ITGA4: variants seen among roughly 807,000 people sequenced by gnomAD.
The protein encoded by ITGA4 is integrin subunit alpha 4, also known as integrin alpha-4.
Under a neutral mutation model 133.6 loss-of-function variants are expected in ITGA4, and 63 were observed. The observed-to-expected ratio is 0.47, with a 90% CI of 0.38 to 0.58. ITGA4 has a LOEUF of 0.58. Among genes scored for constraint, ITGA4 ranks in the 20% least tolerant of loss-of-function variants. The pLI, the probability that ITGA4 is intolerant of heterozygous loss-of-function variation, is 0.00. For synonymous variants in ITGA4, 483 were observed against 438.0 expected, an observed-to-expected ratio of 1.10 and a Z score of -1.28; for missense variants, 1,076 against 1,252.7, an observed-to-expected ratio of 0.86 and a Z score of 2.13.
intron 17 of ITGA4, among the ~76,000 whole-genome samples, chr2:181,518,264 TGTTA>T (rs1363083124): frequency 6.6e-6 from 1 of 152,082 alleles, no homozygotes; most frequent in Non-Finnish European, 1.5e-5. Context: ...ATTACTGCTT[TGTTA>T]GTTATTACAC....
Position 181,495,382 on chromosome 2 carries a change from G to T in ITGA4, c.1351G>T (p.Gly451Cys). Residue 451 changes from glycine (G) to cysteine (C), a missense_variant, in exon 13 of 28, where the codon GGT becomes TGT. Physicochemically the swap from Gly to Cys is radical, Grantham distance 159. Transcript: ENST00000397033. This position sits in a 1 kb window ranked among gnomAD's most constrained non-coding sequence, Gnocchi z 4.3. Reference sequence around the variant, plus strand: ...TTTTTATCCTCCAGATGTAGCAGTTGGTGCTTTTCGGTCTGATTCTGCTGT... The same window carrying T: ...TTTTTATCCTCCAGATGTAGCAGTTTGTGCTTTTCGGTCTGATTCTGCTGT... ...DNNGYVDVAV[G>C]AFRSDSAVLL... 6.2e-7 allele frequency: 1 copy of T among 1,610,060 alleles called. No homozygotes were observed. Among genetic ancestry groups the T allele is most frequent in the Non-Finnish European group, 8.5e-7 (1 of 1,176,552 alleles).
At chr2:181,509,941 T>C in intron 16 of ITGA4, 134 bp downstream of exon 16, 1 of 621,068 alleles carries the variant, frequency 1.6e-6, no homozygotes. Flanking sequence ...AAAATAGATT[T>C]ATTCATTTCT....
At position 181,493,360 on chromosome 2, in the gene ITGA4, C is replaced by A. The variant is rs199973456; in HGVS notation, c.1189C>A (p.Gln397Lys). 65 of 1,612,262 alleles carry A rather than the reference C, an allele frequency of 4.0e-5. No individual in the cohort carries two copies. Among genetic ancestry groups the A allele is most frequent in the Admixed American group, 1.5e-4 (9 of 59,892 alleles). The change falls in exon 11 of 28, where the codon CAA (glutamine) becomes AAA (lysine). Residue 397 changes from glutamine to lysine, a missense_variant. Gln to Lys is a moderately conservative substitution (Grantham distance 53). Transcript: ENST00000397033. ...CGGAGCTCCACAAGAAGATGACTTGCAAGGTGCTATTTATATTTACAATGG... is the reference window on the plus strand; with the variant it reads ...CGGAGCTCCACAAGAAGATGACTTGAAAGGTGCTATTTATATTTACAATGG... ...AIGAPQEDDL[Q>K]GAIYIYNGRA...
At chr2:181,476,911 A>G (rs2105728497) in intron 4 of ITGA4, among the ~76,000 whole-genome samples, 1 of 152,272 alleles carries the variant, frequency 6.6e-6, no homozygotes, top group Admixed American at 6.5e-5. Flanking sequence ...AGTGGGAGCT[A>G]AACATTGAGT....
intron 9 of ITGA4, among the ~76,000 whole-genome samples, chr2:181,484,754 A>G (rs572215373): frequency 1.3e-5 from 2 of 152,346 alleles, no homozygotes; most frequent in South Asian, 2.1e-4. Context: ...AACATGGTAC[A>G]TGGCACATTA....
At chr2:181,466,650 C>T (rs1559037022) in intron 2 of ITGA4, among the ~76,000 whole-genome samples, 1 of 151,982 alleles carries the variant, frequency 6.6e-6, no homozygotes, top group Non-Finnish European at 1.5e-5. Flanking sequence ...AGAAACATTG[C>T]CACCAGGTTT....
At chr2:181,460,630 T>C (rs1481838535) in intron 2 of ITGA4, among the ~76,000 whole-genome samples, 1 of 150,024 alleles carries the variant, frequency 6.7e-6, no homozygotes, top group African/African-American at 2.4e-5. Context: ...TAGCTTCAGT[T>C]GTCCTGTTTC....
At chr2:181,520,135 C>T (rs889765162) in intron 17 of ITGA4, among the ~76,000 whole-genome samples, 7 of 152,048 alleles carry the variant, frequency 4.6e-5, no homozygotes, top group Non-Finnish European at 1.0e-4. Context: ...GAGAAGCTGC[C>T]ACCTTACGCT....
At position 181,537,834 on chromosome 2, in the gene ITGA4, C is replaced by CAATTTCTATTAGGATATCCG. The variant is rs1418390057; in HGVS notation, c.*2308_*2327dup. 1 of 486,266 alleles carries CAATTTCTATTAGGATATCCG rather than the reference C, an allele frequency of 2.1e-6. No individual in the cohort carries two copies. Among genetic ancestry groups the CAATTTCTATTAGGATATCCG allele is most frequent in the South Asian group, 1.5e-5 (1 of 64,704 alleles). 30.1% of individuals were successfully genotyped at this position (486,266 alleles called of 1,614,324 possible). A position where few individuals can be genotyped will look rare whatever the true frequency, so the allele number is the denominator to read the frequency against. ...CCTAGAGGCTAATTGTTAGTAACAT[C>CAATTTCTATTAGGATATCCG]AATTTCTATTAGGATATCCGTTTGG... On this transcript the variant is annotated 3_prime_UTR_variant, in exon 28 of 28. Coordinates refer to ENST00000397033, the MANE Select transcript of ITGA4 (RefSeq NM_000885.6).
chr2:181,479,848 C>G (rs1685764692), intron 5 of ITGA4: 8 of 182,804 alleles, frequency 4.4e-5, no homozygotes, highest in Admixed American at 3.7e-4. Context: ...GCCTTTCTCC[C>G]AAAAGCTTAC....
chr2:181,458,367 G>A (rs201294901), intron 2 of ITGA4, 50 bp downstream of exon 2: 1 of 1,588,096 alleles, frequency 6.3e-7, no homozygotes, highest in Non-Finnish European at 8.6e-7. Flanking sequence ...CCCCCCATGT[G>A]GACCCCACCA....
Position 181,480,079 on chromosome 2 carries a change from G to A in ITGA4, c.625-58G>A, listed in dbSNP as rs529450246. 5.9e-4 allele frequency: 719 copies of A among 1,223,298 alleles called. 7 individuals are homozygous for A. In the African/African-American group the frequency reaches 0.01, roughly 18 times the overall value. The allele number at this position is 1,223,298 out of a possible 1,614,324, so 75.8% of individuals were successfully genotyped here. ...TTCTCTTCACTATCGTGTATCTGGA[G>A]GAGGTTTGGGGTGGTGAGATTAAAG... On this transcript the variant is annotated intron_variant, in intron 5 of 27. Transcript: ENST00000397033.
chr2:181,517,637 C>T (rs142096271), intron 17 of ITGA4, among the ~76,000 whole-genome samples: 4 of 152,028 alleles, frequency 2.6e-5, no homozygotes, highest in Non-Finnish European at 5.9e-5. Flanking sequence ...ACATAGGAAG[C>T]TGGTAGGTAT....
chr2:181,458,107 C>A, intron 1 of ITGA4, 89 bp from the exon 2 acceptor site: 1 of 1,566,274 alleles, frequency 6.4e-7, no homozygotes, highest in Non-Finnish European at 8.7e-7. Flanking sequence ...GGGAAGCTGC[C>A]CTGCTGCGGA....
rs769456476 is a variant in ITGA4, at chr2:181,482,401, A to C, written c.882A>C (p.Leu294Phe). 6.2e-7 allele frequency: 1 copy of C among 1,613,096 alleles called. No homozygotes were observed. ...TTGATGAAAAAGAACTAAATATCTT[A>C]CATGAAATGAAAGGTAAAAAGGTAA... ...FSIDEKELNI[L>F]HEMKGKKLGS... Residue 294 changes from leucine to phenylalanine, a missense_variant, in exon 8 of 28, where the codon TTA becomes TTC. Physicochemically the swap from Leu to Phe is conservative, Grantham distance 22 (BLOSUM62 0). Transcript: ENST00000397033.
rs753737980 is a variant in ITGA4, at chr2:181,523,337, C to T, written c.2074-100C>T. The T allele has an allele frequency of 2.9e-6, 2 of 692,080 alleles. No individual in the cohort carries two copies. Among genetic ancestry groups the T allele is most frequent in the South Asian group, 1.7e-5 (1 of 58,862 alleles). The allele number at this position is 692,080 out of a possible 1,614,324, so 42.9% of individuals were successfully genotyped here. ...AATAGTTTTCCTAGAAAAGCAAATA[C>T]TTCTGGGATGATATTCTTTTCAATA... On this transcript the variant is annotated intron_variant, in intron 18 of 27. Coordinates refer to ENST00000397033, the MANE Select transcript of ITGA4 (RefSeq NM_000885.6). This position sits in a 1 kb window ranked among gnomAD's most constrained non-coding sequence, Gnocchi z 4.2.
chr2:181,529,674 C>A, intron 23 of ITGA4, 26 bp downstream of exon 23: 1 of 1,163,760 alleles, frequency 8.6e-7, no homozygotes, highest in African/African-American at 1.5e-5. Context: ...TTCCATCTAA[C>A]CTTTATTGTG....
rs143247967 is a variant in ITGA4 at position 181,519,033 on chromosome 2, C to T, written c.1923-3158C>T. 2.4e-3 allele frequency among the ~76,000 whole-genome samples: 372 copies of T among 151,862 alleles called. 1 individual carries two copies. Among genetic ancestry groups the T allele is most frequent in the African/African-American group, 8.6e-3 (355 of 41,438 alleles). ...TTACGTGTGTATGTTGACCAAAAAACTATAATAGTTCCAAAAATGGAAATT... is the reference window on the plus strand; with the variant it reads ...TTACGTGTGTATGTTGACCAAAAAATTATAATAGTTCCAAAAATGGAAATT... On this transcript the variant is annotated intron_variant, in intron 17 of 27. Transcript: ENST00000397033.
intron 27 of ITGA4, 120 bp downstream of exon 27, chr2:181,535,055 G>T (rs1243600668): frequency 1.8e-6 from 2 of 1,100,112 alleles, no homozygotes; most frequent in East Asian, 5.4e-5. Flanking sequence ...TTTTTATGTT[G>T]CTCAGTACTG....
Sources: gnomAD v4.1 joint callset for allele counts (sites outside exome capture counted in the v4.1 genomes callset) on GRCh38, gnomAD v4.1.1 for gene constraint, Gnocchi (gnomAD v3.1) non-coding constraint, MANE v1.5 for transcripts, NCBI Gene and HGNC (gene_info 2026-07-23, HGNC 2026-07-21) for gene names.